EPB41L4A: variants seen among roughly 807,000 people sequenced by gnomAD.
EPB41L4A encodes band 4.1-like protein 4A.
Under a neutral mutation model 108.6 loss-of-function variants are expected in EPB41L4A, and 100 were observed. The observed-to-expected ratio is 0.92, with a 90% CI of 0.78 to 1.09. The LOEUF is 1.09. Among genes scored for constraint, EPB41L4A ranks in the 50% least tolerant of loss-of-function variants. The pLI is 0.00. For synonymous variants in EPB41L4A, 319 were observed against 289.0 expected, an observed-to-expected ratio of 1.10 and a Z score of -1.05; for missense variants, 1,030 against 842.7, an observed-to-expected ratio of 1.22 and a Z score of -2.75.
chr5:112,174,518 TTTAAA>T (rs1416445289), intron 18 of EPB41L4A, among the ~76,000 whole-genome samples: 1 of 152,216 alleles, frequency 6.6e-6, no homozygotes, highest in African/African-American at 2.4e-5. Context: ...AATATTCCAC[TTTAAA>T]TTAATCAGAG....
chr5:112,197,441 C>T (rs1452852661), intron 15 of EPB41L4A, among the ~76,000 whole-genome samples: 1 of 152,154 alleles, frequency 6.6e-6, no homozygotes, highest in Non-Finnish European at 1.5e-5. Flanking sequence ...ATTTTGGGGT[C>T]ACTATTTAGC....
At chr5:112,409,181 T>C (rs1762271046) in intron 1 of EPB41L4A, among the ~76,000 whole-genome samples, 1 of 152,218 alleles carries the variant, frequency 6.6e-6, no homozygotes, top group Non-Finnish European at 1.5e-5. Context: ...ATGTGCTACA[T>C]TGTGAATGAA....
chr5:112,174,114 C>T (rs966026667), intron 18 of EPB41L4A, among the ~76,000 whole-genome samples: 3 of 152,094 alleles, frequency 2.0e-5, no homozygotes, highest in African/African-American at 4.8e-5. Context: ...AGTTTTAAGG[C>T]GAGGAAAAGT....
At position 112,246,842 on chromosome 5, in the gene EPB41L4A, C is replaced by A. The variant is rs531294037; in HGVS notation, c.796-6032G>T. 1.7e-4 allele frequency among the ~76,000 whole-genome samples: 26 copies of A among 152,210 alleles called. No homozygotes were observed. The South Asian group carries it at 5.2e-3, about 30-fold the overall frequency. On this transcript the variant is annotated intron_variant, in intron 9 of 22. Coordinates refer to ENST00000261486, the MANE Select transcript of EPB41L4A (RefSeq NM_022140.5). Reference sequence around the variant, plus strand: ...GGCATGAATGACTATTTTTCCCTACCCCCCTCTTACATGAAAACAGTGTGC... The same window carrying A: ...GGCATGAATGACTATTTTTCCCTACACCCCTCTTACATGAAAACAGTGTGC...
intron 12 of EPB41L4A, among the ~76,000 whole-genome samples, chr5:112,147,174 T>C (rs1759290438): frequency 6.6e-6 from 1 of 152,210 alleles, no homozygotes; most frequent in South Asian, 2.1e-4. Context: ...TGAATTAGTA[T>C]TCATTTAGCA....
chr5:112,169,142 C>G (rs767005378), intron 20 of EPB41L4A, 37 bp from the exon 21 acceptor site: 2 of 1,442,800 alleles, frequency 1.4e-6, no homozygotes, highest in East Asian at 4.5e-5. Flanking sequence ...AACAAACACC[C>G]AAAGTCAGAA....
chr5:112,332,972 G>A (rs1208662587), intron 1 of EPB41L4A, among the ~76,000 whole-genome samples: 1 of 152,196 alleles, frequency 6.6e-6, no homozygotes, highest in Non-Finnish European at 1.5e-5. Flanking sequence ...ACAGCATGTG[G>A]TATGGAAAGA....
chr5:112,402,160 A>T (rs1182409073), intron 1 of EPB41L4A, among the ~76,000 whole-genome samples: 1 of 152,108 alleles, frequency 6.6e-6, no homozygotes, highest in Non-Finnish European at 1.5e-5. Context: ...TGTTCTCATG[A>T]TAGTGAGTGA....
At position 112,295,952 on chromosome 5, in the gene EPB41L4A, C is replaced by T. The variant is rs866456807; in HGVS notation, c.204+11434G>A. ...TAGGCAACAAAATGCTTTGCCTTAT[C>T]TGTCTTAGGAATAGAATTCCAAAAT... On this transcript the variant is annotated intron_variant, in intron 2 of 22. Coordinates refer to ENST00000261486, the MANE Select transcript of EPB41L4A (RefSeq NM_022140.5). Among the ~76,000 whole-genome samples, 4 of 152,288 alleles carry T rather than the reference C, an allele frequency of 2.6e-5. No individual in the cohort carries two copies. In the Middle Eastern group the frequency reaches 0.01, roughly 388 times the overall value.
chr5:112,226,998 C>T (rs545937776), intron 12 of EPB41L4A, among the ~76,000 whole-genome samples: 168 of 144,954 alleles, frequency 1.2e-3, no homozygotes, highest in African/African-American at 4.1e-3. Context: ...AAAAAAAAGG[C>T]TTGGACTAAA....
rs1761660253 is a variant in EPB41L4A, at chr5:112,190,810, AGT to A, written c.1502+3756_1502+3757del. Among the ~76,000 whole-genome samples, 3 of 152,192 alleles carry A rather than the reference AGT, an allele frequency of 2.0e-5. No homozygotes were observed. The South Asian group carries it at 6.2e-4, about 32-fold the overall frequency. ...TCAGCACACAGCAAAACCAAGACCC[AGT>A]CCCAAGTCCTCAGGTTATTCTGTGT... On this transcript the variant is annotated intron_variant, in intron 17 of 22. Coordinates refer to ENST00000261486, the MANE Select transcript of EPB41L4A (RefSeq NM_022140.5).
intron 1 of EPB41L4A, among the ~76,000 whole-genome samples, chr5:112,315,451 C>T (rs1755367533): frequency 6.6e-6 from 1 of 152,214 alleles, no homozygotes; most frequent in Non-Finnish European, 1.5e-5. Context: ...AACATGGTGT[C>T]TATAAATTGA....
intron 12 of EPB41L4A, among the ~76,000 whole-genome samples, chr5:112,147,655 G>A (rs1759311411): frequency 6.8e-6 from 1 of 146,610 alleles, no homozygotes; most frequent in Non-Finnish European, 1.5e-5. Context: ...AAAAAAAAAA[G>A]ATTAGCAAAT....
chr5:112,209,511 A>G (rs1481025563), intron 13 of EPB41L4A, among the ~76,000 whole-genome samples: 1 of 152,222 alleles, frequency 6.6e-6, no homozygotes, highest in Non-Finnish European at 1.5e-5. Flanking sequence ...AGTTCAGTGC[A>G]CCACTATAAT....
At chr5:112,417,707 G>A (rs745713042) in intron 1 of EPB41L4A, among the ~76,000 whole-genome samples, 1 of 152,136 alleles carries the variant, frequency 6.6e-6, no homozygotes, top group African/African-American at 2.4e-5. Context: ...ACTGAATTTT[G>A]CTCAGTATAA....
At chr5:112,348,365 C>T (rs1757821990) in intron 1 of EPB41L4A, among the ~76,000 whole-genome samples, 1 of 152,160 alleles carries the variant, frequency 6.6e-6, no homozygotes, top group South Asian at 2.1e-4. Context: ...CTTTGTATCT[C>T]CAAGAACACA....
chr5:112,313,167 G>A (rs1484366851), intron 1 of EPB41L4A, among the ~76,000 whole-genome samples: 1 of 152,156 alleles, frequency 6.6e-6, no homozygotes, highest in Non-Finnish European at 1.5e-5. Context: ...GATGTGATGC[G>A]GGAAGTCTTT....
At chr5:112,185,908 G>A (rs1462894068) in intron 17 of EPB41L4A, among the ~76,000 whole-genome samples, 1 of 152,098 alleles carries the variant, frequency 6.6e-6, no homozygotes, top group Non-Finnish European at 1.5e-5. Flanking sequence ...CTGTGTTCAT[G>A]TGACAGTCAG....
rs1379138501 is a variant in EPB41L4A at position 112,163,484 on chromosome 5, TAATG to T, written c.*1502_*1505del. 2 of 152,134 alleles carry T rather than the reference TAATG, an allele frequency of 1.3e-5. No homozygotes were observed. Among genetic ancestry groups the T allele is most frequent in the African/African-American group, 4.8e-5 (2 of 41,422 alleles). The allele number at this position is 152,134 out of a possible 1,614,324, so 9.4% of individuals were successfully genotyped here. A position where few individuals can be genotyped will look rare whatever the true frequency, so the allele number is the denominator to read the frequency against. On this transcript the variant is annotated 3_prime_UTR_variant, in exon 23 of 23. Transcript: ENST00000261486. The stretch of plus-strand genomic sequence containing the variant: ...CTGAAGTTTGAGAAACTCCACTAAT[TAATG>T]GCAAGGTAAAGCATGATAAGCCAGA...
Sources: allele counts gnomAD v4.1 joint callset (sites outside exome capture counted in the v4.1 genomes callset), GRCh38; gene constraint gnomAD v4.1.1; transcripts MANE v1.5; gene names NCBI Gene and HGNC (gene_info 2026-07-23, HGNC 2026-07-21).